The following DEAF1 variants were observed in gnomAD, a reference collection of about 807,000 sequenced individuals.
The protein encoded by DEAF1 is deformed epidermal autoregulatory factor 1 homolog.
Under a neutral mutation model 58.9 loss-of-function variants are expected in DEAF1, and 53 were observed. The observed-to-expected ratio is 0.90, with a 90% CI of 0.72 to 1.13. The LOEUF is 1.13. Ranked by LOEUF, DEAF1 falls within the 50% of genes most tolerant of loss-of-function variation. The pLI, the probability that DEAF1 is intolerant of heterozygous loss-of-function variation, is 0.00. For synonymous variants in DEAF1, 385 were observed against 340.4 expected, an observed-to-expected ratio of 1.13 and a Z score of -1.44; for missense variants, 685 against 791.4, an observed-to-expected ratio of 0.87 and a Z score of 1.61.
At chr11:695,776 C>T, upstream of DEAF1, 1 of 1,237,260 alleles carries the variant, frequency 8.1e-7, no homozygotes, top group South Asian at 3.8e-5. Flanking sequence ...CGCGAGCGCG[C>T]GGGCCGAGAG....
intron 11 of DEAF1, among the ~76,000 whole-genome samples, chr11:648,325 C>T (rs866423036): frequency 5.9e-5 from 9 of 151,460 alleles, no homozygotes; most frequent in Admixed American, 5.9e-4. Context: ...CTCCCGAGTA[C>T]CTGGGACTAC....
chr11:648,277 C>A (rs916531120), intron 11 of DEAF1, among the ~76,000 whole-genome samples: 31 of 149,116 alleles, frequency 2.1e-4, no homozygotes, highest in Non-Finnish European at 3.1e-4. Context: ...TCACTGCAAG[C>A]TCCGCCTCCC....
chr11:658,928 A>G (rs1033908215), intron 10 of DEAF1, among the ~76,000 whole-genome samples: 2 of 152,258 alleles, frequency 1.3e-5, no homozygotes, highest in African/African-American at 4.8e-5. Context: ...ATTATAATTG[A>G]TTTTTAAATT....
At chr11:701,592 G>C (rs547531105) in intron 1 of DEAF1, among the ~76,000 whole-genome samples, 26 of 151,948 alleles carry the variant, frequency 1.7e-4, no homozygotes, top group African/African-American at 6.0e-4. Context: ...TGTATTTTTA[G>C]TAGAGATGGG....
At chr11:665,586 C>A (rs1240272929) in intron 10 of DEAF1, among the ~76,000 whole-genome samples, 1 of 152,182 alleles carries the variant, frequency 6.6e-6, no homozygotes, top group African/African-American at 2.4e-5. Context: ...GGATTTCATG[C>A]CACATTTCTC....
intron 7 of DEAF1, 47 bp from the exon 8 acceptor site, chr11:679,863 C>G (rs751870818): frequency 3.1e-6 from 5 of 1,608,222 alleles, no homozygotes; most frequent in Non-Finnish European, 4.2e-6. Context: ...GTGGCGCCCA[C>G]GGCACACAGG....
chr11:695,537 C>A (rs1354903746), upstream of DEAF1: 1 of 1,159,146 alleles, frequency 8.6e-7, no homozygotes, highest in African/African-American at 1.6e-5. Context: ...GGGTTTCGCC[C>A]GTTCCCGCCG....
intron 6 of DEAF1, 115 bp from the exon 7 acceptor site, chr11:681,204 C>T: frequency 7.0e-7 from 1 of 1,427,000 alleles, no homozygotes; most frequent in South Asian, 1.2e-5. Context: ...GGTGAGACCA[C>T]ATTAAGATGG....
At chr11:655,021 C>G (rs1046321416) in intron 10 of DEAF1, among the ~76,000 whole-genome samples, 1 of 151,584 alleles carries the variant, frequency 6.6e-6, no homozygotes, top group African/African-American at 2.4e-5. Flanking sequence ...TGCACTCCAG[C>G]CTGGGCGACA....
In DEAF1 at chr11:701,022, A is replaced by C. The variant is rs1047214469; in HGVS notation, c.-438+5550T>G. On this transcript the variant is annotated intron_variant, in intron 1 of 11. Transcript: ENST00000683307. The stretch of plus-strand genomic sequence containing the variant: ...ACCACCACATCTGGAGCTCCGGAAT[A>C]TTCACCAGCACCCCTTTCCTTCCCC... 8.6e-5 allele frequency: 37 copies of C among 430,372 alleles called. No homozygotes were observed. The East Asian group carries it at 1.7e-3, about 19-fold the overall frequency. The allele number at this position is 430,372 out of a possible 1,614,324, so 26.7% of individuals were successfully genotyped here. A position where few individuals can be genotyped will look rare whatever the true frequency, so the allele number is the denominator to read the frequency against.
upstream of DEAF1, chr11:695,838 CGCG>C: frequency 8.1e-7 from 1 of 1,230,122 alleles, no homozygotes; most frequent in Non-Finnish European, 1.0e-6. Flanking sequence ...ATGGCGGCCC[CGCG>C]GCGAGGTGAG....
chr11:650,165 A>G, intron 11 of DEAF1, among the ~76,000 whole-genome samples: 1 of 152,074 alleles, frequency 6.6e-6, no homozygotes, highest in East Asian at 1.9e-4. Flanking sequence ...TCTTGAGGTC[A>G]GGAGTTTGAG....
chr11:657,819 G>A (rs1317726272), intron 10 of DEAF1, among the ~76,000 whole-genome samples: 2 of 152,160 alleles, frequency 1.3e-5, no homozygotes, highest in Non-Finnish European at 2.9e-5. Flanking sequence ...CAGAACTGCA[G>A]GGCATGGAAG....
At chr11:658,806 G>GC (rs1040375510) in intron 10 of DEAF1, among the ~76,000 whole-genome samples, 2 of 152,330 alleles carry the variant, frequency 1.3e-5, no homozygotes, top group African/African-American at 2.4e-5. Flanking sequence ...TGCTGCAGGG[G>GC]CCCCCCATCT....
At chr11:695,841 G>GA (rs1861114409), upstream of DEAF1, 2 of 1,230,088 alleles carry the variant, frequency 1.6e-6, no homozygotes, top group African/African-American at 3.1e-5. Flanking sequence ...GCGGCCCCGC[G>GA]GCGAGGTGAG....
At position 674,606 on chromosome 11, in the gene DEAF1, T is replaced by C. The variant is rs1441704801; in HGVS notation, c.1433A>G (p.Lys478Arg). 5 of 1,614,080 alleles carry C rather than the reference T, an allele frequency of 3.1e-6. No homozygotes were observed. Among genetic ancestry groups the C allele is most frequent in the Admixed American group, 3.3e-5 (2 of 60,004 alleles). Residue 478 changes from lysine to arginine, a missense_variant, in exon 10 of 12, where the codon AAG (lysine) becomes AGG (arginine). Coordinates refer to ENST00000382409, the MANE Select transcript of DEAF1 (RefSeq NM_021008.4). ...QQLKTLFEQAKHASTYREAAT... is the reference protein window; with the variant it reads ...QQLKTLFEQARHASTYREAAT... ...AGCTTCTCGGTAGGTGCTGGCATGC[T>C]TGGCTTGCTCAAACAGCGTCTTCAG...
chr11:658,512 G>A (rs566864272), intron 10 of DEAF1, among the ~76,000 whole-genome samples: 77 of 152,366 alleles, frequency 5.1e-4, no homozygotes, highest in African/African-American at 1.6e-3. Context: ...CCGCGTTTCC[G>A]CAGCCAAGGA....
Position 688,841 on chromosome 11 carries a change from G to A in DEAF1, c.388-381C>T, listed in dbSNP as rs192497885. Among the ~76,000 whole-genome samples the A allele has an allele frequency of 3.7e-3, 567 of 152,254 alleles. 3 individuals are homozygous for A. The highest frequency in any genetic ancestry group is 6.1e-3 in the Non-Finnish European group (415 of 68,036). ...CACAGACAAGGCCTTGTGCAGGACC[G>A]CCCTCCAGACCTCCTTACAGATGGC... On this transcript the variant is annotated intron_variant, in intron 2 of 11. Coordinates refer to ENST00000382409, the MANE Select transcript of DEAF1 (RefSeq NM_021008.4). This position sits in a 1 kb window ranked among gnomAD's most constrained non-coding sequence, Gnocchi z 4.3.
chr11:700,619 G>C, intron 1 of DEAF1: 1 of 1,613,906 alleles, frequency 6.2e-7, no homozygotes, highest in South Asian at 1.1e-5. Context: ...CTTCAGGTCA[G>C]GTGTTCAGCT....
Sources: gnomAD v4.1 joint callset for allele counts (sites outside exome capture counted in the v4.1 genomes callset) on GRCh38, gnomAD v4.1.1 for gene constraint, Gnocchi (gnomAD v3.1) non-coding constraint, MANE v1.5 for transcripts, NCBI Gene and HGNC (gene_info 2026-07-23, HGNC 2026-07-21) for gene names.